The following CEACAM20 variants were observed in gnomAD, a reference collection of about 807,000 sequenced individuals.
CEACAM20 encodes the protein CEA cell adhesion molecule 20.
In CEACAM20, 50 loss-of-function variants were observed where a neutral mutation model predicts 61.2. The ratio of observed to expected loss-of-function variants is 0.82; its 90% CI spans 0.65 to 1.03. CEACAM20 has a LOEUF of 1.03. Among genes scored for constraint, CEACAM20 ranks in the 50% least tolerant of loss-of-function variants. The pLI, the probability that CEACAM20 is intolerant of heterozygous loss-of-function variation, is 0.00. For missense variants in CEACAM20, 683 were observed against 736.4 expected (o/e 0.93, Z 0.84); for synonymous variants, 282 against 287.7 (o/e 0.98, Z 0.20).
intron 3 of CEACAM20, 118 bp from the exon 4 acceptor site, chr19:44,523,030 C>A: frequency 3.5e-6 from 3 of 862,240 alleles, no homozygotes; most frequent in Non-Finnish European, 5.4e-6. Flanking sequence ...AAGGCTAGAT[C>A]AATTGCAAAC....
At position 44,523,978 on chromosome 19, in the gene CEACAM20, G is replaced by A; in HGVS notation, c.472+8C>T. The A allele has an allele frequency of 6.5e-7, 1 of 1,547,442 alleles. No individual in the cohort carries two copies. Among genetic ancestry groups the A allele is most frequent in the Non-Finnish European group, 8.7e-7 (1 of 1,144,112 alleles). On this transcript the variant is annotated splice_region_variant and intron_variant, in intron 3 of 11. Coordinates refer to ENST00000614924, the MANE Select transcript of CEACAM20 (RefSeq NM_001102597.3). ...GTGAGGGGTTGGAGAGAATGGAAAG[G>A]GACTCACACTTCACATCCAGGAAGA...
At position 44,511,130 on chromosome 19, in the gene CEACAM20, C is replaced by G; in HGVS notation, c.1637G>C (p.Arg546Thr). 6.2e-7 allele frequency: 1 copy of G among 1,613,890 alleles called. No homozygotes were observed. The highest frequency in any genetic ancestry group is 1.7e-4 in the Middle Eastern group (1 of 6,056). The part of the protein sequence containing the change: ...YETKLPSASR[R>T]GNSFSPWKPP... ...CTTCCAGGGGCTGAAAGAATTGCCT[C>G]TACGGCTTGCTGAAGGCAGCTTCGT... The change falls in exon 11 of 12, where the codon AGA becomes ACA. Residue 546 changes from arginine (R) to threonine (T), a missense_variant. Transcript: ENST00000614924.
At chr19:44,510,191 A>G (rs2123551286) in intron 11 of CEACAM20, among the ~76,000 whole-genome samples, 1 of 152,266 alleles carries the variant, frequency 6.6e-6, no homozygotes, top group South Asian at 2.1e-4. Context: ...AAAGGGATCA[A>G]ACAAAGCTGA....
chr19:44,514,392 G>A (rs1010830588), intron 6 of CEACAM20, among the ~76,000 whole-genome samples: 1 of 152,088 alleles, frequency 6.6e-6, no homozygotes, highest in Admixed American at 6.6e-5. Context: ...CTGCTTTGGA[G>A]GGGCAGGAGG....
chr19:44,512,838 C>T, intron 8 of CEACAM20, 30 bp downstream of exon 8: 1 of 1,587,538 alleles, frequency 6.3e-7, no homozygotes, highest in Non-Finnish European at 8.6e-7. Flanking sequence ...CACCCCTGCC[C>T]CAGGCATCAG....
chr19:44,520,678 A>G lies in CEACAM20; in HGVS notation c.826T>C (p.Cys276Arg). Residue 276 changes from cysteine to arginine, a missense_variant, in exon 5 of 12, where the codon TGC becomes CGC. Coordinates refer to ENST00000614924, the MANE Select transcript of CEACAM20 (RefSeq NM_001102597.3). ...TTCACACTCTGATTGACGGTTTGGC[A>G]GGTCAGGTCCACAGACCTAGCATTC... ...VENARSVDLT[C>R]QTVNQSVNVQ... 6.2e-7 allele frequency: 1 copy of G among 1,614,018 alleles called. No individual in the cohort carries two copies.
chr19:44,527,382 T>C (rs986112503), intron 1 of CEACAM20, among the ~76,000 whole-genome samples: 1 of 152,204 alleles, frequency 6.6e-6, no homozygotes, highest in Non-Finnish European at 1.5e-5. Flanking sequence ...CCTGACCACC[T>C]GGGTTTGAAT....
chr19:44,523,706 A>T (rs1186271310), intron 3 of CEACAM20, among the ~76,000 whole-genome samples: 1 of 152,110 alleles, frequency 6.6e-6, no homozygotes, highest in Non-Finnish European at 1.5e-5. Flanking sequence ...TGTGAGCTAC[A>T]ATAACCATTC....
At chr19:44,513,111 G>A (rs1158240035) in intron 7 of CEACAM20, 61 bp downstream of exon 7, 6 of 1,413,050 alleles carry the variant, frequency 4.2e-6, no homozygotes, top group African/African-American at 1.4e-5. Flanking sequence ...AACACGCCCG[G>A]CAAGCGCCCC....
intron 11 of CEACAM20, among the ~76,000 whole-genome samples, chr19:44,508,803 A>G (rs1970891246): frequency 1.3e-5 from 2 of 152,182 alleles, no homozygotes; most frequent in African/African-American, 4.8e-5. Flanking sequence ...GGCCCAGTAT[A>G]TATTTTTACT....
intron 6 of CEACAM20, among the ~76,000 whole-genome samples, chr19:44,515,693 G>T (rs1012252063): frequency 6.6e-6 from 1 of 152,126 alleles, no homozygotes; most frequent in African/African-American, 2.4e-5. Flanking sequence ...GCTGAGCTTC[G>T]TGGCTCAAGT....
At chr19:44,510,555 A>G (rs687646) in intron 11 of CEACAM20, among the ~76,000 whole-genome samples, 5,967 of 45,420 alleles carry the variant, frequency 0.13, 301 homozygotes, top group East Asian at 0.33. Context: ...AAGGAAAGAA[A>G]GAAAGAAAGA....
chr19:44,524,090 A>C lies in CEACAM20; in HGVS notation c.368T>G (p.Leu123Arg), dbSNP rs766327016. 6.3e-7 allele frequency: 1 copy of C among 1,597,898 alleles called. No individual in the cohort carries two copies. Among genetic ancestry groups the C allele is most frequent in the Middle Eastern group, 1.7e-4 (1 of 6,050 alleles). ...CTCCCGCTGGACAATGAGAATGGTG[A>C]GGATCTTGCCATCCTTGGACAGCTG... is the stretch of plus-strand genomic sequence containing the variant. The part of the protein sequence containing the change: ...RMQLSKDGKI[L>R]TILIVQREDS... The change falls in exon 3 of 12, where the codon CTC becomes CGC. Residue 123 changes from leucine (L) to arginine (R), a missense_variant. Transcript: ENST00000614924.
intron 3 of CEACAM20, among the ~76,000 whole-genome samples, chr19:44,523,342 G>C (rs1466630445): frequency 6.6e-6 from 1 of 152,046 alleles, no homozygotes. Flanking sequence ...CCAGGAGGTC[G>C]AGGCTGCATT....
intron 5 of CEACAM20, among the ~76,000 whole-genome samples, chr19:44,517,532 C>T (rs912991797): frequency 6.6e-6 from 1 of 151,720 alleles, no homozygotes; most frequent in Non-Finnish European, 1.5e-5. Flanking sequence ...CCCGTATCTA[C>T]TAAAAATACA....
In CEACAM20 at chr19:44,513,173, G is replaced by T. The variant is rs369933127; in HGVS notation, c.1426C>A (p.Arg476=). The change falls in exon 7 of 12, where the codon CGG becomes AGG. Residue 476 remains arginine, a splice_region_variant and synonymous_variant. Coordinates refer to ENST00000614924, the MANE Select transcript of CEACAM20 (RefSeq NM_001102597.3). ...GYFLCIRNAR[R]PSRKTTEDPS... ...CCCCTCCCTGTATCCCTGTGTTACC[G>T]TCTGGCATTTCTGATGCAGAGAAAA... is the stretch of plus-strand genomic sequence containing the variant. 2.4e-5 allele frequency: 39 copies of T among 1,608,180 alleles called. No homozygotes were observed. In the African/African-American group the frequency reaches 4.5e-4, roughly 19 times the overall value.
intron 1 of CEACAM20, among the ~76,000 whole-genome samples, chr19:44,528,158 T>TTTTCTTTCTTTCCTTTCTTTCTTTCC (rs149014643): frequency 3.2e-5 from 4 of 124,710 alleles, no homozygotes; most frequent in African/African-American, 8.5e-5. Context: ...TCTTTCTTTC[T>TTTTCTTTCTTTCCTTTCTTTCTTTCC]TTTCTTTCTT....
At chr19:44,506,518 G>GTCT (rs1970823872) in intron 11 of CEACAM20, among the ~76,000 whole-genome samples, 1 of 152,158 alleles carries the variant, frequency 6.6e-6, no homozygotes, top group African/African-American at 2.4e-5. Flanking sequence ...CTAACCAATA[G>GTCT]AATATGGCAA....
At chr19:44,509,655 T>TG (rs1970914966) in intron 11 of CEACAM20, among the ~76,000 whole-genome samples, 2 of 148,748 alleles carry the variant, frequency 1.3e-5, no homozygotes, top group Non-Finnish European at 1.5e-5. Context: ...TAGAATAGAG[T>TG]GGGGTGGATT....
Sources: gnomAD v4.1 joint callset for allele counts (sites outside exome capture counted in the v4.1 genomes callset) on GRCh38, gnomAD v4.1.1 for gene constraint, MANE v1.5 for transcripts, NCBI Gene and HGNC (gene_info 2026-07-23, HGNC 2026-07-21) for gene names.